The following FEZ2 variants were observed in gnomAD, a reference collection of about 807,000 sequenced individuals.
The protein encoded by FEZ2 is fasciculation and elongation protein zeta 2.
FEZ2 carries 51 observed loss-of-function variants against 40.4 expected under a neutral mutation model. The ratio of observed to expected loss-of-function variants is 1.26; its 90% CI spans 1.01 to 1.59. The LOEUF (loss-of-function observed/expected upper bound fraction) is 1.59, where lower values mean the gene tolerates loss of function less well. Ranked by LOEUF, FEZ2 falls within the 40% of genes most tolerant of loss-of-function variation. The probability of loss-of-function intolerance (pLI) is 0.00; values close to 1 mark genes in which losing one functional copy is unlikely to be tolerated. For missense variants in FEZ2, 640 were observed against 438.3 expected, an observed-to-expected ratio of 1.46 and a Z score of -4.11; for synonymous variants, 242 against 172.0, an observed-to-expected ratio of 1.41 and a Z score of -3.18.
At chr2:36,577,765 T>G (rs921168000) in intron 5 of FEZ2, among the ~76,000 whole-genome samples, 1 of 152,368 alleles carries the variant, frequency 6.6e-6, no homozygotes, top group East Asian at 1.9e-4. Context: ...ATTCTTTAGA[T>G]AAGTAAATCA....
At position 36,573,479 on chromosome 2, in the gene FEZ2, T is replaced by C. The variant is rs187266906; in HGVS notation, c.903+5118A>G. The stretch of plus-strand genomic sequence containing the variant: ...TGGCTCCCCCAATAAAAATCCCCAA[T>C]AGAACAATAATAATTCAAATACTAC... On this transcript the variant is annotated intron_variant, in intron 5 of 7. Coordinates refer to ENST00000405912, the MANE Select transcript of FEZ2 (RefSeq NM_005102.3). Among the ~76,000 whole-genome samples, 162 of 152,308 alleles carry C rather than the reference T, an allele frequency of 1.1e-3. 1 individual carries two copies. The highest frequency in any genetic ancestry group is 1.8e-3 in the Non-Finnish European group (125 of 68,022).
chr2:36,569,435 A>T (rs1310561255), intron 5 of FEZ2, among the ~76,000 whole-genome samples: 11 of 152,374 alleles, frequency 7.2e-5, no homozygotes, highest in African/African-American at 2.4e-4. Context: ...CAACATAAAG[A>T]GACATTACTA....
chr2:36,576,031 G>T (rs756969504), intron 5 of FEZ2, among the ~76,000 whole-genome samples: 3 of 152,090 alleles, frequency 2.0e-5, no homozygotes, highest in Non-Finnish European at 2.9e-5. Flanking sequence ...TTCTAAGGAG[G>T]TCACCATTTT....
intron 1 of FEZ2, among the ~76,000 whole-genome samples, chr2:36,594,069 A>G (rs538225985): frequency 2.9e-4 from 44 of 152,140 alleles, no homozygotes; most frequent in African/African-American, 9.9e-4. Context: ...TTGCCAAAAC[A>G]TAACAAGGGT....
At chr2:36,574,901 A>C (rs1668517957) in intron 5 of FEZ2, among the ~76,000 whole-genome samples, 1 of 152,150 alleles carries the variant, frequency 6.6e-6, no homozygotes, top group South Asian at 2.1e-4. Flanking sequence ...GCACTTCCCA[A>C]AGAGGTCCAC....
intron 1 of FEZ2, among the ~76,000 whole-genome samples, chr2:36,593,770 T>C (rs1301813372): frequency 1.3e-5 from 2 of 151,802 alleles, no homozygotes; most frequent in African/African-American, 4.8e-5. Context: ...CCCATGGTCG[T>C]GGGGATTAAC....
At chr2:36,553,243 C>G in intron 7 of FEZ2, 64 bp from the exon 8 acceptor site, 3 of 1,152,650 alleles carry the variant, frequency 2.6e-6, no homozygotes, top group Admixed American at 4.2e-5. Flanking sequence ...ACAAAACATA[C>G]ATTTTACATG....
At chr2:36,577,312 C>T (rs1386069064) in intron 5 of FEZ2, among the ~76,000 whole-genome samples, 4 of 151,276 alleles carry the variant, frequency 2.6e-5, no homozygotes, top group African/African-American at 4.9e-5. Context: ...GGCTGGAGGG[C>T]AATGGCACGA....
At chr2:36,579,081 G>A in intron 4 of FEZ2, 1 of 475,602 alleles carries the variant, frequency 2.1e-6, no homozygotes, top group Admixed American at 3.9e-5. Flanking sequence ...GGGCAGGTGA[G>A]TCACTTCTCA....
intron 1 of FEZ2, among the ~76,000 whole-genome samples, 198 bp downstream of exon 1, chr2:36,597,679 G>A (rs901928618): frequency 2.0e-5 from 3 of 152,252 alleles, no homozygotes; most frequent in Non-Finnish European, 2.9e-5. Flanking sequence ...GGTTTTCAGG[G>A]CTCGTGGCGG....
chr2:36,594,805 G>A (rs1179662594), intron 1 of FEZ2, among the ~76,000 whole-genome samples: 1 of 152,162 alleles, frequency 6.6e-6, no homozygotes, highest in Non-Finnish European at 1.5e-5. Context: ...CTTAAACAAG[G>A]CTATAAGAAA....
intron 3 of FEZ2, among the ~76,000 whole-genome samples, chr2:36,581,838 G>A (rs529158411): frequency 1.3e-4 from 20 of 151,906 alleles, no homozygotes; most frequent in African/African-American, 4.8e-4. Flanking sequence ...CAATTTAAAG[G>A]TATCTCATCA....
chr2:36,561,793 T>G (rs1668099267), intron 5 of FEZ2, among the ~76,000 whole-genome samples: 1 of 152,208 alleles, frequency 6.6e-6, no homozygotes, highest in Non-Finnish European at 1.5e-5. Flanking sequence ...AGAGGAAATT[T>G]AAATCAGTAA....
intron 2 of FEZ2, chr2:36,590,183 C>T (rs1246920439): frequency 1.3e-5 from 2 of 152,176 alleles, no homozygotes; most frequent in Non-Finnish European, 2.9e-5. Context: ...ATTTTAAAAG[C>T]CAAGAACTAA....
rs763266961 is a variant in FEZ2, at chr2:36,591,235, G to A, written c.267-224C>T. On this transcript the variant is annotated intron_variant, in intron 1 of 7. Transcript: ENST00000405912. Reference sequence around the variant, plus strand: ...AGAAGTCCTAAGGGAAGGTGAAGCCGTACAGAAAACTGCCAATAGGCAGTA... The same window carrying A: ...AGAAGTCCTAAGGGAAGGTGAAGCCATACAGAAAACTGCCAATAGGCAGTA... 2.9e-4 allele frequency: 158 copies of A among 537,442 alleles called. 1 individual carries two copies. The highest frequency in any genetic ancestry group is 1.7e-3 in the Admixed American group (51 of 30,558). The allele number at this position is 537,442 out of a possible 1,614,324, so 33.3% of individuals were successfully genotyped here.
intron 5 of FEZ2, among the ~76,000 whole-genome samples, chr2:36,561,728 T>G (rs1227038969): frequency 6.6e-6 from 1 of 152,124 alleles, no homozygotes; most frequent in Non-Finnish European, 1.5e-5. Context: ...AAAGGCTTCG[T>G]GAAAAGGAAG....
intron 1 of FEZ2, among the ~76,000 whole-genome samples, chr2:36,597,363 T>C (rs1208324886): frequency 6.6e-6 from 1 of 152,216 alleles, no homozygotes; most frequent in Non-Finnish European, 1.5e-5. Context: ...ATTTGGTACA[T>C]ATAACCATTG....
At chr2:36,584,649 T>C (rs1360086741) in intron 2 of FEZ2, among the ~76,000 whole-genome samples, 2 of 152,222 alleles carry the variant, frequency 1.3e-5, no homozygotes, top group Admixed American at 6.5e-5. Flanking sequence ...GAAGCCACCA[T>C]GTCATTCTAT....
chr2:36,553,814 C>T (rs1397952842), intron 7 of FEZ2, among the ~76,000 whole-genome samples: 1 of 152,074 alleles, frequency 6.6e-6, no homozygotes, highest in East Asian at 1.9e-4. Context: ...AACAACAAAC[C>T]ACCCAAAAAA....
Sources: gnomAD v4.1 joint callset for allele counts (sites outside exome capture counted in the v4.1 genomes callset) on GRCh38, gnomAD v4.1.1 for gene constraint, MANE v1.5 for transcripts, NCBI Gene and HGNC (gene_info 2026-07-23, HGNC 2026-07-21) for gene names.